The following ACOT8 variants were observed in gnomAD, a reference collection of about 807,000 sequenced individuals.
The protein encoded by ACOT8 is acyl-CoA thioesterase 8.
ACOT8 carries 31 observed loss-of-function variants against 38.4 expected under a neutral mutation model. The ratio of observed to expected loss-of-function variants is 0.81; its 90% confidence interval spans 0.61 to 1.09. ACOT8 has a LOEUF of 1.09. ACOT8 is among the 50% of genes least tolerant of loss of function. ACOT8 has a pLI of 0.00. For synonymous variants in ACOT8, 158 were observed against 170.3 expected, an observed-to-expected ratio of 0.93 and a Z score of 0.56; for missense variants, 373 against 421.8, an observed-to-expected ratio of 0.88 and a Z score of 1.01.
intron 3 of ACOT8, among the ~76,000 whole-genome samples, chr20:45,845,347 A>C (rs1265596352): frequency 6.6e-6 from 1 of 152,064 alleles, no homozygotes; most frequent in Non-Finnish European, 1.5e-5. Context: ...TCAGCCTCCC[A>C]AAATGCTGGG....
At position 45,857,377 on chromosome 20, in the gene ACOT8, A is replaced by C. The variant is rs1985536294; in HGVS notation, c.-62T>G. 2 of 1,524,394 alleles carry C rather than the reference A, an allele frequency of 1.3e-6. No homozygotes were observed. Among genetic ancestry groups the C allele is most frequent in the South Asian group, 1.2e-5 (1 of 83,426 alleles). 94.4% of individuals were successfully genotyped at this position (1,524,394 alleles called of 1,614,324 possible). A position where few individuals can be genotyped will look rare whatever the true frequency, so the allele number is the denominator to read the frequency against. On this transcript the variant is annotated 5_prime_UTR_variant, in exon 1 of 6. Coordinates refer to ENST00000217455, the MANE Select transcript of ACOT8 (RefSeq NM_005469.4). ...CGGAAGACGCGGAGACATACACAGA[A>C]CCTGACTCTTCCGGCAGATTGCCCT... is the stretch of plus-strand genomic sequence containing the variant.
At chr20:45,853,030 A>C (rs1054683987) in intron 2 of ACOT8, among the ~76,000 whole-genome samples, 1 of 152,168 alleles carries the variant, frequency 6.6e-6, no homozygotes, top group Non-Finnish European at 1.5e-5. Flanking sequence ...CGGCTTCCCA[A>C]AGTGCTAGGA....
intron 3 of ACOT8, 118 bp from the exon 4 acceptor site, chr20:45,844,538 C>A: frequency 3.3e-6 from 4 of 1,219,876 alleles, no homozygotes; most frequent in Non-Finnish European, 2.3e-6. Context: ...CCCAAAGCTC[C>A]CCTCCCCTGT....
chr20:45,849,342 T>C (rs562841736), intron 2 of ACOT8, among the ~76,000 whole-genome samples: 95 of 152,250 alleles, frequency 6.2e-4, no homozygotes, highest in Admixed American at 7.9e-4. Flanking sequence ...TGGAGTACAG[T>C]GGTGTAATCT....
intron 2 of ACOT8, 113 bp downstream of exon 2, chr20:45,855,046 C>T: frequency 6.8e-7 from 1 of 1,462,708 alleles, no homozygotes. Context: ...GTGTCCGCCA[C>T]CCCTCCCCTT....
chr20:45,857,040 G>T lies in ACOT8; in HGVS notation c.128+148C>A, dbSNP rs573030475. The T allele has an allele frequency of 5.9e-4, 560 of 945,682 alleles. 5 individuals are homozygous for T. Among genetic ancestry groups the T allele is most frequent in the Middle Eastern group, 5.0e-3 (18 of 3,576 alleles). The allele number at this position is 945,682 out of a possible 1,614,324, so 58.6% of individuals were successfully genotyped here. Reference sequence around the variant, plus strand: ...AAGCCAGAGCAGAGAGGACAGCTCTGTTGGGGGCGAGTTCTCTCCTAATCG... The same window carrying T: ...AAGCCAGAGCAGAGAGGACAGCTCTTTTGGGGGCGAGTTCTCTCCTAATCG... On this transcript the variant is annotated intron_variant, in intron 1 of 5. Transcript: ENST00000217455.
intron 3 of ACOT8, among the ~76,000 whole-genome samples, chr20:45,844,932 T>G (rs1343944233): frequency 1.3e-5 from 2 of 152,134 alleles, no homozygotes; most frequent in Non-Finnish European, 2.9e-5. Flanking sequence ...TATTTTCTAT[T>G]TTTTTAGAGA....
At chr20:45,843,344 G>A (rs920614138) in intron 5 of ACOT8, 183 bp downstream of exon 5, 22 of 843,920 alleles carry the variant, frequency 2.6e-5, no homozygotes, top group Non-Finnish European at 4.1e-5. Context: ...GAAATTTAGA[G>A]CAGAGCAGGT....
rs1233293187 is a variant in ACOT8, at chr20:45,841,768, G to C, written c.*70C>G. On this transcript the variant is annotated 3_prime_UTR_variant, in exon 6 of 6. Coordinates refer to ENST00000217455, the MANE Select transcript of ACOT8 (RefSeq NM_005469.4). ...TTGGATGTGAGGGCCAAAAGGGACT[G>C]TAACTCCTGTCTCAGGAATGGGGAT... is the stretch of plus-strand genomic sequence containing the variant. 6.0e-6 allele frequency: 9 copies of C among 1,492,856 alleles called. No homozygotes were observed. The highest frequency in any genetic ancestry group is 8.0e-6 in the Non-Finnish European group (9 of 1,129,262). 92.5% of individuals were successfully genotyped at this position (1,492,856 alleles called of 1,614,324 possible).
chr20:45,842,851 G>C, intron 5 of ACOT8: 1 of 996,158 alleles, frequency 1.0e-6, no homozygotes, highest in Non-Finnish European at 1.2e-6. Flanking sequence ...TGAGTATAAA[G>C]AATCCTTGAG....
rs1317115487 is a variant in ACOT8, at chr20:45,848,687, A to T, written c.263-12T>A. Reference sequence around the variant, plus strand: ...CAGCTTCGGGTCCCCTGCAGTGGGCACAAGGACACAGTGGGTCCACAGGCC... The same window carrying T: ...CAGCTTCGGGTCCCCTGCAGTGGGCTCAAGGACACAGTGGGTCCACAGGCC... On this transcript the variant is annotated splice_polypyrimidine_tract_variant and intron_variant, in intron 2 of 5. Transcript: ENST00000217455. The T allele has an allele frequency of 2.5e-6, 4 of 1,593,348 alleles. No homozygotes were observed. In the South Asian group the frequency reaches 4.5e-5, roughly 18 times the overall value.
chr20:45,856,736 A>G (rs1568742147), intron 1 of ACOT8, among the ~76,000 whole-genome samples: 1 of 152,248 alleles, frequency 6.6e-6, no homozygotes, highest in African/African-American at 2.4e-5. Flanking sequence ...TGGGAAAGAA[A>G]AAAACATGCT....
chr20:45,841,847 GCT>G lies in ACOT8; in HGVS notation c.949_950del (p.Ser317GlnfsTer36). 6.2e-7 allele frequency: 1 copy of G among 1,604,288 alleles called. No individual in the cohort carries two copies. The highest frequency in any genetic ancestry group is 8.5e-7 in the Non-Finnish European group (1 of 1,176,908). ...AAGCTGGTACCTCTGGCTACAGCTT[GCT>G]CTCTGAGACCTGGGGCTTCACTCGG... Reference protein sequence around the residue: ...VIRVKPQVSESKL With the variant: ...VIRVKPQVSEXKL On this transcript the variant is annotated frameshift_variant, in exon 6 of 6. Coordinates refer to ENST00000217455, the MANE Select transcript of ACOT8 (RefSeq NM_005469.4). LOFTEE classifies it high-confidence loss of function.
chr20:45,846,574 C>T (rs937149723), intron 3 of ACOT8, among the ~76,000 whole-genome samples: 28 of 152,154 alleles, frequency 1.8e-4, no homozygotes, highest in African/African-American at 6.3e-4. Context: ...GTATCTAACA[C>T]GAGATAGAGA....
At chr20:45,854,044 T>A in intron 2 of ACOT8, 1 of 1,159,324 alleles carries the variant, frequency 8.6e-7, no homozygotes, top group Non-Finnish European at 1.1e-6. Flanking sequence ...TTTTTTAGCA[T>A]AGGTTTTGCT....
At chr20:45,854,230 TGCCCAGGCTGGAGTGCTC>T (rs75404747) in intron 2 of ACOT8, among the ~76,000 whole-genome samples, 87 of 150,352 alleles carry the variant, frequency 5.8e-4, no homozygotes, top group African/African-American at 1.3e-3. Context: ...CTCGCTCTGT[TGCCCAGGCTGGAGTGCTC>T]GCCCAGGCTG....
At chr20:45,844,234 GTTTC>G in intron 4 of ACOT8, 25 bp downstream of exon 4, 1 of 1,614,024 alleles carries the variant, frequency 6.2e-7, no homozygotes, top group Non-Finnish European at 8.5e-7. Context: ...TTGGAGAGTG[GTTTC>G]CTCCCATCCA....
At chr20:45,855,134 T>C (rs762532135) in intron 2 of ACOT8, 25 bp downstream of exon 2, 112 of 1,611,552 alleles carry the variant, frequency 6.9e-5, no homozygotes, top group Non-Finnish European at 9.1e-5. Flanking sequence ...CAGGGTTGGG[T>C]TGGGGCAGGA....
At chr20:45,856,751 C>T (rs1207722556) in intron 1 of ACOT8, among the ~76,000 whole-genome samples, 1 of 152,202 alleles carries the variant, frequency 6.6e-6, no homozygotes, top group Non-Finnish European at 1.5e-5. Context: ...CATGCTTAGG[C>T]CTCAGAATAA....
Sources: gnomAD v4.1 joint callset for allele counts (sites outside exome capture counted in the v4.1 genomes callset) on GRCh38, gnomAD v4.1.1 for gene constraint, MANE v1.5 for transcripts, NCBI Gene and HGNC (gene_info 2026-07-23, HGNC 2026-07-21) for gene names.